EYS: variants seen among roughly 807,000 people sequenced by gnomAD.
EYS encodes EGF-like photoreceptor maintenance factor.
Under a neutral mutation model 282.1 loss-of-function variants are expected in EYS, and 250 were observed. The observed-to-expected ratio is 0.89, with a 90% CI of 0.80 to 0.98. The LOEUF (loss-of-function observed/expected upper bound fraction) is 0.98, where lower values mean the gene tolerates loss of function less well. EYS is among the 50% of genes least tolerant of loss of function. The pLI is 0.00. For synonymous variants in EYS, 1,355 were observed against 1,282.9 expected (o/e 1.06, Z -1.20); for missense variants, 4,016 against 3,709.0 (o/e 1.08, Z -2.15).
At chr6:64,631,244 C>G (rs1430343525) in intron 22 of EYS, 1 of 152,140 alleles carries the variant, frequency 6.6e-6, no homozygotes, top group Non-Finnish European at 1.5e-5. Flanking sequence ...CTAATTGATA[C>G]AAAAGAGTTA....
chr6:63,784,280 T>C (rs1008170239), intron 39 of EYS, among the ~76,000 whole-genome samples: 1 of 152,254 alleles, frequency 6.6e-6, no homozygotes, highest in East Asian at 1.9e-4. Flanking sequence ...TCTCTCTCTC[T>C]CTGTGCACAC....
At chr6:64,256,920 T>C (rs1482509468) in intron 30 of EYS, among the ~76,000 whole-genome samples, 2 of 152,080 alleles carry the variant, frequency 1.3e-5, no homozygotes, top group African/African-American at 4.8e-5. Context: ...CCACTGGTAA[T>C]TCCCAATGCT....
At chr6:64,260,407 C>T (rs1255162390) in intron 30 of EYS, among the ~76,000 whole-genome samples, 1 of 152,058 alleles carries the variant, frequency 6.6e-6, no homozygotes. Flanking sequence ...TATTGGTACA[C>T]CCACTAGTTT....
intron 22 of EYS, among the ~76,000 whole-genome samples, chr6:64,753,683 T>G (rs1387185535): frequency 6.6e-6 from 1 of 151,520 alleles, no homozygotes. Context: ...TCAGCACCAC[T>G]AACAGCACTA....
intron 26 of EYS, among the ~76,000 whole-genome samples, chr6:64,557,271 T>G (rs898390651): frequency 1.3e-5 from 2 of 151,150 alleles, no homozygotes; most frequent in Admixed American, 6.6e-5. Flanking sequence ...AATAAATGAA[T>G]ATCAAGATCT....
intron 31 of EYS, among the ~76,000 whole-genome samples, chr6:64,191,512 T>G (rs1765108960): frequency 7.0e-6 from 1 of 142,042 alleles, no homozygotes. Context: ...CAGAGTGTGA[T>G]GTTCCCCTTC....
At chr6:64,887,296 G>A (rs1262706901) in intron 18 of EYS, among the ~76,000 whole-genome samples, 2 of 122,614 alleles carry the variant, frequency 1.6e-5, no homozygotes, top group African/African-American at 3.0e-5. Context: ...GGGGGGAGGG[G>A]GGAGGGATAG....
At chr6:64,475,691 A>G (rs1582799817) in intron 26 of EYS, among the ~76,000 whole-genome samples, 1 of 152,142 alleles carries the variant, frequency 6.6e-6, no homozygotes, top group East Asian at 1.9e-4. Context: ...TAAAAAAGTC[A>G]CTTAAACACC....
At chr6:65,213,027 C>A (rs1412170539) in intron 12 of EYS, among the ~76,000 whole-genome samples, 1 of 151,664 alleles carries the variant, frequency 6.6e-6, no homozygotes, top group Non-Finnish European at 1.5e-5. Flanking sequence ...AACTGTTTTT[C>A]TTTATTTTTT....
chr6:64,295,479 A>G (rs181398336), intron 30 of EYS, among the ~76,000 whole-genome samples: 11 of 41,406 alleles, frequency 2.7e-4, no homozygotes, highest in African/African-American at 4.5e-4. Flanking sequence ...GAAGAAGAAG[A>G]AGAAGAAGAA....
intron 26 of EYS, among the ~76,000 whole-genome samples, chr6:64,533,702 C>A (rs538497293): frequency 2.0e-5 from 3 of 152,006 alleles, no homozygotes; most frequent in South Asian, 2.1e-4. Context: ...CTTGTTTAAG[C>A]TAATGTAAAA....
At chr6:65,446,504 A>G (rs1252179918) in intron 5 of EYS, among the ~76,000 whole-genome samples, 1 of 151,862 alleles carries the variant, frequency 6.6e-6, no homozygotes, top group East Asian at 1.9e-4. Context: ...CTGTGTACAC[A>G]GAATTAAACT....
At position 63,876,535 on chromosome 6, in the gene EYS, T is replaced by G. The variant is rs554488311; in HGVS notation, c.7056-12177A>C. The stretch of plus-strand genomic sequence containing the variant: ...CAATTCCTGGATATCCTTGTTAACT[T>G]TCTGTGTCATGGATCTGTCTAATAT... On this transcript the variant is annotated intron_variant, in intron 35 of 42. Coordinates refer to ENST00000503581, the MANE Select transcript of EYS (RefSeq NM_001142800.2). Among the ~76,000 whole-genome samples, 5 of 152,276 alleles carry G rather than the reference T, an allele frequency of 3.3e-5. No homozygotes were observed. In the South Asian group the frequency reaches 1.0e-3, roughly 32 times the overall value.
chr6:65,463,367 C>T (rs1265725897), intron 5 of EYS, among the ~76,000 whole-genome samples: 1 of 152,126 alleles, frequency 6.6e-6, no homozygotes, highest in Non-Finnish European at 1.5e-5. Flanking sequence ...GATGAGATTT[C>T]TTCTAATCAC....
chr6:64,765,783 T>C (rs1003949262), intron 22 of EYS, among the ~76,000 whole-genome samples: 2 of 152,012 alleles, frequency 1.3e-5, no homozygotes, highest in African/African-American at 4.8e-5. Context: ...GAGAACAGCT[T>C]GGAGGAAATC....
At chr6:64,583,146 T>TG (rs1361811608) in intron 26 of EYS, among the ~76,000 whole-genome samples, 1 of 151,910 alleles carries the variant, frequency 6.6e-6, no homozygotes, top group Non-Finnish European at 1.5e-5. Flanking sequence ...CTTGGAGAGG[T>TG]ATGGTTGGAA....
chr6:64,042,535 A>G (rs1770436488), intron 33 of EYS, among the ~76,000 whole-genome samples: 1 of 152,300 alleles, frequency 6.6e-6, no homozygotes, highest in Non-Finnish European at 1.5e-5. Context: ...CGAACAACAG[A>G]CCTTCCATGA....
chr6:65,336,891 G>A (rs1770009426), intron 10 of EYS, among the ~76,000 whole-genome samples: 1 of 151,206 alleles, frequency 6.6e-6, no homozygotes, highest in Non-Finnish European at 1.5e-5. Flanking sequence ...CTTAAACACA[G>A]GTATATATTT....
intron 22 of EYS, among the ~76,000 whole-genome samples, chr6:64,794,123 C>T (rs1246026376): frequency 6.6e-6 from 1 of 152,140 alleles, no homozygotes; most frequent in African/African-American, 2.4e-5. Flanking sequence ...GCTTATTTCA[C>T]TTAGCATAAT....
Sources: allele counts gnomAD v4.1 joint callset (sites outside exome capture counted in the v4.1 genomes callset), GRCh38; gene constraint gnomAD v4.1.1; transcripts MANE v1.5; gene names NCBI Gene and HGNC (gene_info 2026-07-23, HGNC 2026-07-21).